CSMD1: variants seen among roughly 807,000 people sequenced by gnomAD.
CSMD1 encodes the protein CUB and Sushi multiple domains 1, also known as CUB and sushi domain-containing protein 1.
CSMD1 carries 213 observed loss-of-function variants against 417.5 expected under a neutral mutation model. The observed-to-expected ratio is 0.51, with a 90% confidence interval of 0.46 to 0.57. The LOEUF is 0.57. Ranked by LOEUF, CSMD1 falls within the 20% of genes least tolerant of loss-of-function variation. CSMD1 has a pLI of 0.00. For missense variants in CSMD1, 6,923 were observed against 4,529.7 expected (o/e 1.53, Z -15.17); for synonymous variants, 2,862 against 1,736.8 (o/e 1.65, Z -16.11).
At chr8:3,859,653 T>G (rs1255799621) in intron 5 of CSMD1, among the ~76,000 whole-genome samples, 3 of 152,016 alleles carry the variant, frequency 2.0e-5, no homozygotes, top group African/African-American at 4.8e-5. Flanking sequence ...ACCTGAAGAG[T>G]GAGTTCAACC....
chr8:4,549,562 C>T (rs138556318), intron 2 of CSMD1, among the ~76,000 whole-genome samples: 163 of 152,124 alleles, frequency 1.1e-3, no homozygotes, highest in African/African-American at 3.4e-3. Flanking sequence ...CACAGCCTCC[C>T]GCATTACGTG....
At chr8:3,287,641 C>T (rs1403709384) in intron 25 of CSMD1, among the ~76,000 whole-genome samples, 2 of 152,118 alleles carry the variant, frequency 1.3e-5, no homozygotes, top group Non-Finnish European at 2.9e-5. Flanking sequence ...GTGATTTTTG[C>T]ACATTGATTT....
chr8:4,537,719 C>T (rs1170450581), intron 2 of CSMD1, among the ~76,000 whole-genome samples: 2 of 152,108 alleles, frequency 1.3e-5, no homozygotes, highest in African/African-American at 4.8e-5. Context: ...ATGGCTTCCC[C>T]CAGCGAAGCC....
intron 1 of CSMD1, among the ~76,000 whole-genome samples, chr8:4,958,604 T>C (rs542670460): frequency 2.0e-5 from 3 of 152,334 alleles, no homozygotes; most frequent in East Asian, 3.9e-4. Flanking sequence ...TTCTGAGTTC[T>C]GCTACAATAA....
chr8:3,555,723 T>G (rs1402348467), intron 10 of CSMD1, among the ~76,000 whole-genome samples: 1 of 152,208 alleles, frequency 6.6e-6, no homozygotes, highest in Non-Finnish European at 1.5e-5. Flanking sequence ...ATATTTGAGT[T>G]TTCTGTTCAT....
chr8:4,968,871 C>A (rs1053627117), intron 1 of CSMD1, among the ~76,000 whole-genome samples: 4 of 152,186 alleles, frequency 2.6e-5, no homozygotes, highest in African/African-American at 9.6e-5. Context: ...GTGCTACACA[C>A]AAAGCATCAG....
chr8:4,136,746 G>A (rs983677218), intron 3 of CSMD1, among the ~76,000 whole-genome samples: 1 of 152,150 alleles, frequency 6.6e-6, no homozygotes, highest in Non-Finnish European at 1.5e-5. Context: ...TGAAAGGTGT[G>A]CATGTGAATT....
Position 4,841,181 on chromosome 8 carries a change from G to T in CSMD1, c.85+153151C>A, listed in dbSNP as rs185161134. 4.6e-5 allele frequency among the ~76,000 whole-genome samples: 7 copies of T among 152,252 alleles called. No individual in the cohort carries two copies. The East Asian group carries it at 1.4e-3, about 29-fold the overall frequency. ...AATGGTCAGAGCTTCTCCTCTCCTT[G>T]CAAAAGCAAATATTATACATTATGT... On this transcript the variant is annotated intron_variant, in intron 1 of 69. Coordinates refer to ENST00000635120, the MANE Select transcript of CSMD1 (RefSeq NM_033225.6).
intron 3 of CSMD1, among the ~76,000 whole-genome samples, chr8:4,187,641 A>T (rs1798763041): frequency 7.8e-6 from 1 of 128,358 alleles, no homozygotes; most frequent in Non-Finnish European, 1.6e-5. Context: ...GCATCACTGC[A>T]CTCCAGCCTG....
rs755767630 is a variant in CSMD1 at position 3,205,570 on chromosome 8, T to C, written c.4918A>G (p.Asn1640Asp). 13 of 1,601,744 alleles carry C rather than the reference T, an allele frequency of 8.1e-6. No individual in the cohort carries two copies. The highest frequency in any genetic ancestry group is 2.2e-5 in the East Asian group (1 of 44,682). ...TGSEGVVLSP[N>D]YPHNYTAGQI... is the part of the protein sequence containing the mutation. ...CCAGCTGTGTAATTATGGGGGTAGT[T>C]TGGTGATAAAACTACCCCTTCTGAT... is the stretch of plus-strand genomic sequence containing the variant. The change falls in exon 31 of 70, where the codon AAC (asparagine) becomes GAC (aspartate). Residue 1640 changes from asparagine (N) to aspartate (D), a missense_variant. By Grantham distance (23) the Asn-to-Asp change is conservative. Coordinates refer to ENST00000635120, the MANE Select transcript of CSMD1 (RefSeq NM_033225.6).
At chr8:3,635,016 T>G (rs1796963333) in intron 7 of CSMD1, among the ~76,000 whole-genome samples, 1 of 151,662 alleles carries the variant, frequency 6.6e-6, no homozygotes, top group South Asian at 2.1e-4. Flanking sequence ...AACTAAACAT[T>G]GAAAAACTAA....
At chr8:3,182,815 G>GGTCTCTGGCTGA (rs1821456674) in intron 36 of CSMD1, among the ~76,000 whole-genome samples, 1 of 97,662 alleles carries the variant, frequency 1.0e-5, no homozygotes, top group Non-Finnish European at 2.0e-5. Context: ...TGGTCTCGGG[G>GGTCTCTGGCTGA]GACTCTGGCT....
At chr8:3,657,094 T>C (rs1167026992) in intron 7 of CSMD1, among the ~76,000 whole-genome samples, 2 of 152,140 alleles carry the variant, frequency 1.3e-5, no homozygotes, top group African/African-American at 2.4e-5. Context: ...ACCGAGTTGC[T>C]GCACTGGACA....
intron 1 of CSMD1, among the ~76,000 whole-genome samples, chr8:4,804,917 A>C (rs1232914633): frequency 6.6e-6 from 1 of 152,222 alleles, no homozygotes; most frequent in Non-Finnish European, 1.5e-5. Context: ...AGAGAAAAGA[A>C]AACACTTAAA....
At chr8:4,916,380 T>C (rs1256339961) in intron 1 of CSMD1, among the ~76,000 whole-genome samples, 3 of 152,242 alleles carry the variant, frequency 2.0e-5, no homozygotes, top group Non-Finnish European at 2.9e-5. Context: ...ATTCTGGTTA[T>C]AGATTCAGAG....
intron 2 of CSMD1, among the ~76,000 whole-genome samples, chr8:4,621,066 G>A (rs1182610663): frequency 2.0e-5 from 3 of 152,050 alleles, no homozygotes; most frequent in Non-Finnish European, 4.4e-5. Context: ...CAGACCTGAA[G>A]TGGACTTAGA....
At chr8:3,432,194 G>A (rs1471057534) in intron 12 of CSMD1, among the ~76,000 whole-genome samples, 1 of 152,122 alleles carries the variant, frequency 6.6e-6, no homozygotes, top group Non-Finnish European at 1.5e-5. Flanking sequence ...TAATCAGGAA[G>A]AGGCATGGGT....
At chr8:4,988,169 A>G (rs1463969532) in intron 1 of CSMD1, among the ~76,000 whole-genome samples, 1 of 152,232 alleles carries the variant, frequency 6.6e-6, no homozygotes, top group African/African-American at 2.4e-5. Flanking sequence ...TCTCATGTCT[A>G]TTATAATGAT....
chr8:3,599,151 CTGTG>C (rs1554483034), intron 8 of CSMD1, among the ~76,000 whole-genome samples: 1 of 119,892 alleles, frequency 8.3e-6, no homozygotes, highest in South Asian at 2.7e-4. Flanking sequence ...GTGTGTGTGT[CTGTG>C]TGTGTGTCTG....
Sources: gnomAD v4.1 joint callset for allele counts (sites outside exome capture counted in the v4.1 genomes callset) on GRCh38, gnomAD v4.1.1 for gene constraint, MANE v1.5 for transcripts, NCBI Gene and HGNC (gene_info 2026-07-23, HGNC 2026-07-21) for gene names.